The following DHX29 variants were observed in gnomAD, a reference collection of about 807,000 sequenced individuals.
The protein encoded by DHX29 is DExH-box helicase 29.
In DHX29, 79 loss-of-function variants were observed where a neutral mutation model predicts 167.9. The observed-to-expected ratio is 0.47, with a 90% CI of 0.39 to 0.57. DHX29 has a LOEUF of 0.57. Ranked by LOEUF, DHX29 falls within the 20% of genes least tolerant of loss-of-function variation. The probability of loss-of-function intolerance (pLI) is 0.00; values close to 1 mark genes in which losing one functional copy is unlikely to be tolerated. For missense variants in DHX29, 1,347 were observed against 1,593.4 expected (o/e 0.85, Z 2.63); for synonymous variants, 530 against 546.0 (o/e 0.97, Z 0.41).
At chr5:55,297,854 G>A (rs982119265) in intron 2 of DHX29, among the ~76,000 whole-genome samples, 2 of 152,074 alleles carry the variant, frequency 1.3e-5, no homozygotes, top group African/African-American at 4.8e-5. Context: ...AAATTCTTTT[G>A]GCTTCTAGAC....
chr5:55,290,185 C>T, intron 7 of DHX29, 33 bp downstream of exon 7: 1 of 1,590,224 alleles, frequency 6.3e-7, no homozygotes, highest in Non-Finnish European at 8.5e-7. Context: ...AAGACAATTA[C>T]ATTTATACAT....
At position 55,267,828 on chromosome 5, in the gene DHX29, C is replaced by A. The variant is rs375923803; in HGVS notation, c.3295-6G>T. ...ATAACTGCAGCTAGTGTTGCCTATC[C>A]ATAAATCATAAATGACAAAACAATT... is the stretch of plus-strand genomic sequence containing the variant. On this transcript the variant is annotated splice_region_variant and splice_polypyrimidine_tract_variant and intron_variant, in intron 21 of 26. Coordinates refer to ENST00000251636, the MANE Select transcript of DHX29 (RefSeq NM_019030.4). 1.6e-5 allele frequency: 25 copies of A among 1,583,032 alleles called. No homozygotes were observed. The highest frequency in any genetic ancestry group is 1.8e-5 in the Non-Finnish European group (21 of 1,164,062).
intron 18 of DHX29, among the ~76,000 whole-genome samples, chr5:55,270,985 C>T (rs1013192147): frequency 3.4e-4 from 51 of 152,144 alleles, no homozygotes; most frequent in African/African-American, 1.2e-3. Flanking sequence ...TAGTAGAATA[C>T]CTATTAATTA....
intron 26 of DHX29, among the ~76,000 whole-genome samples, chr5:55,257,254 G>T (rs904457525): frequency 1.1e-4 from 16 of 152,102 alleles, no homozygotes; most frequent in Non-Finnish European, 2.4e-4. Flanking sequence ...AATTATCAGG[G>T]CTGCAAAACT....
intron 1 of DHX29, among the ~76,000 whole-genome samples, chr5:55,302,703 A>T (rs1748666645): frequency 6.6e-6 from 1 of 152,108 alleles, no homozygotes; most frequent in Non-Finnish European, 1.5e-5. Flanking sequence ...TTTCAACTGT[A>T]TCACTTCCTT....
chr5:55,267,910 A>C, intron 21 of DHX29, 88 bp from the exon 22 acceptor site: 1 of 953,774 alleles, frequency 1.0e-6, no homozygotes, highest in Non-Finnish European at 1.4e-6. Context: ...AAATCATAAA[A>C]CAATCACACT....
chr5:55,307,576 T>G lies in DHX29; in HGVS notation c.-3A>C, dbSNP rs1292818531. ...TGTTTCTTGTTCTTGCCGCCCATGTTGCAGCTGTGGCAGAAGATCCTTCGC... is the reference window on the plus strand; with the variant it reads ...TGTTTCTTGTTCTTGCCGCCCATGTGGCAGCTGTGGCAGAAGATCCTTCGC... On this transcript the variant is annotated 5_prime_UTR_variant, in exon 1 of 27. Transcript: ENST00000251636. The G allele has an allele frequency of 1.2e-6, 2 of 1,613,206 alleles. No homozygotes were observed. Among genetic ancestry groups the G allele is most frequent in the African/African-American group, 2.7e-5 (2 of 74,928 alleles).
At chr5:55,264,559 C>T (rs1370797462) in intron 23 of DHX29, among the ~76,000 whole-genome samples, 1 of 152,068 alleles carries the variant, frequency 6.6e-6, no homozygotes, top group African/African-American at 2.4e-5. Context: ...GTCTTCCGTA[C>T]GAAAAGCAAG....
intron 10 of DHX29, among the ~76,000 whole-genome samples, chr5:55,284,693 CTTTAT>C (rs1473575957): frequency 1.3e-5 from 2 of 152,094 alleles, no homozygotes; most frequent in Non-Finnish European, 2.9e-5. Context: ...TTCAGTAGCA[CTTTAT>C]TTTAATCTTT....
At chr5:55,269,764 G>C (rs1170044070) in intron 20 of DHX29, 127 bp from the exon 21 acceptor site, 1 of 709,814 alleles carries the variant, frequency 1.4e-6, no homozygotes, top group Non-Finnish European at 2.4e-6. Context: ...GTGAAAGTAG[G>C]GCTATCCTGT....
At chr5:55,285,968 C>T (rs1050144094) in intron 8 of DHX29, 107 bp from the exon 9 acceptor site, 4 of 901,360 alleles carry the variant, frequency 4.4e-6, no homozygotes, top group Non-Finnish European at 6.3e-6. Context: ...GAAGATAATA[C>T]TTGAGGCCAG....
At chr5:55,268,996 T>C (rs1477841441) in intron 21 of DHX29, among the ~76,000 whole-genome samples, 1 of 151,884 alleles carries the variant, frequency 6.6e-6, no homozygotes, top group Non-Finnish European at 1.5e-5. Flanking sequence ...GATGAACAGA[T>C]TTTCAAGTAT....
chr5:55,279,224 G>C (rs887401268), intron 12 of DHX29, among the ~76,000 whole-genome samples: 1 of 152,184 alleles, frequency 6.6e-6, no homozygotes, highest in African/African-American at 2.4e-5. Flanking sequence ...GGATTCAGGG[G>C]ATGTGGGAGA....
rs983682401 is a variant in DHX29 at position 55,283,709 on chromosome 5, G to A, written c.1459C>T (p.Pro487Ser). 2 of 1,613,760 alleles carry A rather than the reference G, an allele frequency of 1.2e-6. No individual in the cohort carries two copies. The highest frequency in any genetic ancestry group is 1.7e-6 in the Non-Finnish European group (2 of 1,179,970). Residue 487 changes from proline to serine, a missense_variant, in exon 11 of 27, where the codon CCA (proline) becomes TCA (serine). Transcript: ENST00000251636. ...AGTTTGGCAATAAAAAGATCACGTG[G>A]TTTATTGGTTTCCATTTTATTTAAT... The part of the protein sequence containing the change: ...EELNKMETNK[P>S]RDLFIAKLLN...
At chr5:55,287,010 A>G (rs550606183) in intron 8 of DHX29, among the ~76,000 whole-genome samples, 1 of 152,336 alleles carries the variant, frequency 6.6e-6, no homozygotes, top group African/African-American at 2.4e-5. Flanking sequence ...TTTGTTATCT[A>G]TATTAGAAGC....
At chr5:55,278,119 C>T (rs1706030144) in intron 12 of DHX29, among the ~76,000 whole-genome samples, 1 of 152,084 alleles carries the variant, frequency 6.6e-6, no homozygotes, top group South Asian at 2.1e-4. Context: ...GCTCTTCCAA[C>T]ACATGCATCT....
intron 1 of DHX29, among the ~76,000 whole-genome samples, chr5:55,299,660 C>T (rs1748504120): frequency 6.6e-6 from 1 of 152,114 alleles, no homozygotes; most frequent in Non-Finnish European, 1.5e-5. Context: ...GCCTTCTTCC[C>T]TTTCTCTGTG....
Position 55,285,684 on chromosome 5 carries a change from C to A in DHX29, c.1232+12G>T, listed in dbSNP as rs752505834. On this transcript the variant is annotated intron_variant, in intron 9 of 26. Transcript: ENST00000251636. ...TTCAGTTAATTAAAAACAACAACAA[C>A]AAAAAACATACCTACATTTCCAGTA... is the stretch of plus-strand genomic sequence containing the variant. 9.1e-6 allele frequency: 14 copies of A among 1,546,296 alleles called. No individual in the cohort carries two copies. Among genetic ancestry groups the A allele is most frequent in the South Asian group, 3.7e-5 (3 of 81,520 alleles).
chr5:55,257,463 C>T (rs1401631968), intron 26 of DHX29, among the ~76,000 whole-genome samples: 4 of 152,154 alleles, frequency 2.6e-5, no homozygotes, highest in African/African-American at 7.2e-5. Context: ...GTCTCACTCT[C>T]GCCTAGGCTG....
Sources: gnomAD v4.1 joint callset for allele counts (sites outside exome capture counted in the v4.1 genomes callset) on GRCh38, gnomAD v4.1.1 for gene constraint, MANE v1.5 for transcripts, NCBI Gene and HGNC (gene_info 2026-07-23, HGNC 2026-07-21) for gene names.